Variants in FAT3 observed in about 807,000 individuals in gnomAD.
The protein encoded by FAT3 is FAT atypical cadherin 3.
A neutral mutation model predicts 310.2 loss-of-function variants in FAT3; 95 were observed. The observed-to-expected ratio is 0.31, with a 90% CI of 0.26 to 0.36. The LOEUF is 0.36. Ranked by LOEUF, FAT3 falls within the 10% of genes least tolerant of loss-of-function variation. The probability of loss-of-function intolerance (pLI) is 1.00; values close to 1 mark genes in which losing one functional copy is unlikely to be tolerated. For synonymous variants in FAT3, 2,314 were observed against 2,192.9 expected (o/e 1.06, Z -1.54); for missense variants, 5,408 against 5,715.6 (o/e 0.95, Z 1.74).
intron 2 of FAT3, among the ~76,000 whole-genome samples, chr11:92,403,001 T>A (rs557482): frequency 0.13 from 19,284 of 152,142 alleles, 1,238 homozygotes; most frequent in South Asian, 0.18. Context: ...CACTCTCCCT[T>A]TCCACCTCCA....
intron 7 of FAT3, among the ~76,000 whole-genome samples, chr11:92,781,598 C>T (rs1946755038): frequency 6.6e-6 from 1 of 152,114 alleles, no homozygotes; most frequent in African/African-American, 2.4e-5. Context: ...TTATTGAAAT[C>T]ATCTGGTATA....
At chr11:92,635,304 C>T (rs1342587362) in intron 3 of FAT3, among the ~76,000 whole-genome samples, 2 of 152,104 alleles carry the variant, frequency 1.3e-5, no homozygotes, top group Non-Finnish European at 2.9e-5. Context: ...TTCAGCAGGA[C>T]ATTTTTGTGT....
At chr11:92,681,935 A>G (rs1943492504) in intron 3 of FAT3, among the ~76,000 whole-genome samples, 1 of 152,222 alleles carries the variant, frequency 6.6e-6, no homozygotes, top group Non-Finnish European at 1.5e-5. Flanking sequence ...TGAAAGAATG[A>G]GACAGAATAG....
chr11:92,532,500 C>T (rs887675750), intron 3 of FAT3, among the ~76,000 whole-genome samples: 10 of 152,156 alleles, frequency 6.6e-5, no homozygotes, highest in African/African-American at 2.4e-4. Context: ...TCTCACTTCC[C>T]TCTGACTCCA....
At chr11:92,565,464 A>G (rs1231032496) in intron 3 of FAT3, among the ~76,000 whole-genome samples, 1 of 143,302 alleles carries the variant, frequency 7.0e-6, no homozygotes, top group Non-Finnish European at 1.5e-5. Context: ...AGGTACAAGG[A>G]GGAACTGGTA....
chr11:92,375,734 C>A (rs187105974), intron 2 of FAT3, among the ~76,000 whole-genome samples: 2 of 151,960 alleles, frequency 1.3e-5, no homozygotes, highest in African/African-American at 4.8e-5. Flanking sequence ...TATTAGATGC[C>A]GATGCCAGAG....
At chr11:92,423,507 C>T (rs192337805) in intron 2 of FAT3, among the ~76,000 whole-genome samples, 136 of 152,242 alleles carry the variant, frequency 8.9e-4, no homozygotes, top group African/African-American at 3.1e-3. Context: ...CGATGTGTTT[C>T]TGAGGGAAAG....
At chr11:92,432,954 G>A (rs970584115) in intron 2 of FAT3, among the ~76,000 whole-genome samples, 1 of 152,198 alleles carries the variant, frequency 6.6e-6, no homozygotes, top group African/African-American at 2.4e-5. Context: ...AATCTAGAGA[G>A]GCAGTCTGGC....
At chr11:92,569,503 C>G (rs973481875) in intron 3 of FAT3, among the ~76,000 whole-genome samples, 2 of 152,048 alleles carry the variant, frequency 1.3e-5, no homozygotes, top group African/African-American at 4.8e-5. Flanking sequence ...AGAAAAGTAA[C>G]GAAAGTTGAG....
chr11:92,615,493 C>A (rs559952455), intron 3 of FAT3, among the ~76,000 whole-genome samples: 5 of 152,298 alleles, frequency 3.3e-5, no homozygotes, highest in African/African-American at 1.2e-4. Context: ...GTGATCCACC[C>A]ACCTCAGCCT....
Position 92,867,161 on chromosome 11 carries a change from C to A in FAT3, c.12079C>A (p.Arg4027Ser), listed in dbSNP as rs1448732021. ...GCVLYPDACK[R>S]SPCQHGGSCT... Reference sequence around the variant, plus strand: ...CGTGCTCTATCCCGACGCCTGCAAGCGCAGCCCGTGCCAGCACGGGGGCAG... The same window carrying A: ...CGTGCTCTATCCCGACGCCTGCAAGAGCAGCCCGTGCCAGCACGGGGGCAG... The change falls in exon 22 of 28, where the codon CGC becomes AGC. Residue 4027 changes from arginine (R) to serine (S), a missense_variant. By Grantham distance (110) the Arg-to-Ser change is moderately radical (BLOSUM62 -1). This residue lies in a region of FAT3 where 4,588 missense variants were observed against 4,809.8 expected (regional missense o/e 0.95). Transcript: ENST00000525166. 1 of 1,597,164 alleles carries A rather than the reference C, an allele frequency of 6.3e-7. No individual in the cohort carries two copies. Among genetic ancestry groups the A allele is most frequent in the Non-Finnish European group, 8.5e-7 (1 of 1,173,950 alleles).
intron 2 of FAT3, among the ~76,000 whole-genome samples, chr11:92,517,866 A>G (rs1953540317): frequency 6.6e-6 from 1 of 152,250 alleles, no homozygotes. Flanking sequence ...AAACATATGA[A>G]AACAAGCTCA....
chr11:92,438,259 C>G (rs897462868), intron 2 of FAT3, among the ~76,000 whole-genome samples: 2 of 151,998 alleles, frequency 1.3e-5, no homozygotes, highest in Non-Finnish European at 2.9e-5. Flanking sequence ...AACATAGATC[C>G]TTTGTGATCT....
intron 3 of FAT3, among the ~76,000 whole-genome samples, chr11:92,667,750 A>G (rs1361101801): frequency 1.3e-5 from 2 of 152,220 alleles, no homozygotes; most frequent in African/African-American, 4.8e-5. Flanking sequence ...ATGAGGAACA[A>G]TGAGGCATCC....
At chr11:92,738,770 G>A (rs1945423013) in intron 4 of FAT3, among the ~76,000 whole-genome samples, 1 of 152,142 alleles carries the variant, frequency 6.6e-6, no homozygotes, top group Admixed American at 6.5e-5. Context: ...GTATGGCTAT[G>A]CTGTCACCTA....
chr11:92,848,984 G>A (rs1042199087), intron 19 of FAT3, among the ~76,000 whole-genome samples: 20 of 152,228 alleles, frequency 1.3e-4, no homozygotes, highest in African/African-American at 3.9e-4. Flanking sequence ...ATCGAGGTAC[G>A]GACAGAGAGA....
chr11:92,555,987 T>C (rs1955006017), intron 3 of FAT3, among the ~76,000 whole-genome samples: 2 of 152,236 alleles, frequency 1.3e-5, no homozygotes, highest in Admixed American at 1.3e-4. Flanking sequence ...AAAATAGGAC[T>C]GATAATAGTA....
At chr11:92,386,923 C>T (rs1159153672) in intron 2 of FAT3, among the ~76,000 whole-genome samples, 1 of 152,182 alleles carries the variant, frequency 6.6e-6, no homozygotes, top group Non-Finnish European at 1.5e-5. Flanking sequence ...TACTGAGTGG[C>T]AGGAGCTGTG....
chr11:92,657,295 G>C (rs139783332), intron 3 of FAT3, among the ~76,000 whole-genome samples: 1 of 151,930 alleles, frequency 6.6e-6, no homozygotes, highest in African/African-American at 2.4e-5. Context: ...AAACTAAAGT[G>C]AGTAAATTTT....
Sources: gnomAD v4.1 joint callset for allele counts (sites outside exome capture counted in the v4.1 genomes callset) on GRCh38, gnomAD v4.1.1 for gene constraint, gnomAD v4.1.1 regional missense constraint, MANE v1.5 for transcripts, NCBI Gene and HGNC (gene_info 2026-07-23, HGNC 2026-07-21) for gene names.